SAMD12: variants seen among roughly 807,000 people sequenced by gnomAD.
SAMD12 encodes the protein sterile alpha motif domain-containing protein 12.
A neutral mutation model predicts 15.0 loss-of-function variants in SAMD12; 9 were observed. The observed-to-expected ratio is 0.60, with a 90% CI of 0.36 to 1.05. The LOEUF (loss-of-function observed/expected upper bound fraction) is 1.05, where lower values mean the gene tolerates loss of function less well. Ranked by LOEUF, SAMD12 falls within the 50% of genes least tolerant of loss-of-function variation. The pLI, the probability that SAMD12 is intolerant of heterozygous loss-of-function variation, is 0.01. For missense variants in SAMD12, 230 were observed against 234.2 expected, an observed-to-expected ratio of 0.98 and a Z score of 0.12; for synonymous variants, 86 against 90.1, an observed-to-expected ratio of 0.96 and a Z score of 0.25.
At chr8:118,261,267 C>T (rs950006083) in intron 4 of SAMD12, among the ~76,000 whole-genome samples, 2 of 152,032 alleles carry the variant, frequency 1.3e-5, no homozygotes, top group Non-Finnish European at 2.9e-5. Context: ...ACTAAGGTGA[C>T]GTCTACACTT....
intron 2 of SAMD12, among the ~76,000 whole-genome samples, chr8:118,497,270 A>G (rs1824642106): frequency 2.0e-5 from 3 of 152,202 alleles, no homozygotes. Context: ...ACATGCACCT[A>G]TATGTGCATC....
the SAMD12 span, among the ~76,000 whole-genome samples, chr8:118,177,708 G>T: frequency 0.04 from 5,968 of 150,656 alleles, 164 homozygotes; most frequent in Middle Eastern, 0.062. Flanking sequence ...GGCTGACAGA[G>T]TGAGATCCTG....
chr8:118,528,109 C>T (rs1480890625), intron 2 of SAMD12, among the ~76,000 whole-genome samples: 2 of 152,196 alleles, frequency 1.3e-5, no homozygotes, highest in Non-Finnish European at 2.9e-5. Flanking sequence ...TCACTGCAAC[C>T]TCTGCCTCCC....
chr8:118,576,391 G>A (rs903579295), intron 2 of SAMD12, among the ~76,000 whole-genome samples: 8 of 152,158 alleles, frequency 5.3e-5, no homozygotes, highest in African/African-American at 1.9e-4. Flanking sequence ...TTTGGCCCCA[G>A]CCTATTGTTC....
chr8:118,364,937 G>A (rs993504026), intron 4 of SAMD12, among the ~76,000 whole-genome samples: 2 of 152,026 alleles, frequency 1.3e-5, no homozygotes, highest in South Asian at 2.1e-4. Context: ...TACCACAACA[G>A]CCTCCTAACT....
intron 4 of SAMD12, among the ~76,000 whole-genome samples, chr8:118,309,974 T>C (rs1397355466): frequency 6.6e-6 from 1 of 152,212 alleles, no homozygotes; most frequent in Non-Finnish European, 1.5e-5. Context: ...ACTTAATAAT[T>C]ATTAAAGGAA....
chr8:118,281,723 T>C (rs1484208418), intron 4 of SAMD12, among the ~76,000 whole-genome samples: 2 of 152,152 alleles, frequency 1.3e-5, no homozygotes, highest in Non-Finnish European at 2.9e-5. Flanking sequence ...GAGTGCTGAG[T>C]AGCCTCAGTC....
At chr8:118,149,618 A>G in the SAMD12 span, among the ~76,000 whole-genome samples, 1 of 152,026 alleles carries the variant, frequency 6.6e-6, no homozygotes, top group Non-Finnish European at 1.5e-5. Context: ...GGGTTGTGTT[A>G]TTTGGTGCAT....
At chr8:118,415,663 G>A (rs148018443) in intron 3 of SAMD12, among the ~76,000 whole-genome samples, 31 of 152,304 alleles carry the variant, frequency 2.0e-4, no homozygotes, top group African/African-American at 6.3e-4. Context: ...CTTACTGAGG[G>A]TTTGAAAGAA....
chr8:118,440,718 A>C (rs954447242), intron 2 of SAMD12, among the ~76,000 whole-genome samples: 37 of 151,664 alleles, frequency 2.4e-4, no homozygotes, highest in African/African-American at 9.0e-4. Flanking sequence ...ACACACACAT[A>C]TAAAAACGCA....
At chr8:118,264,101 C>T (rs1813145104) in intron 4 of SAMD12, among the ~76,000 whole-genome samples, 1 of 152,130 alleles carries the variant, frequency 6.6e-6, no homozygotes, top group African/African-American at 2.4e-5. Flanking sequence ...CTTAAGAACA[C>T]TTGCAAGCAT....
intron 2 of SAMD12, among the ~76,000 whole-genome samples, chr8:118,525,512 A>T (rs1446580646): frequency 1.3e-5 from 2 of 152,200 alleles, no homozygotes; most frequent in Non-Finnish European, 1.5e-5. Flanking sequence ...CTGGCCCATC[A>T]TAGAAGCTCA....
Position 118,320,673 on chromosome 8 carries a change from G to C in SAMD12, c.433+58887C>G, listed in dbSNP as rs1325658583. On this transcript the variant is annotated intron_variant, in intron 4 of 4. Coordinates refer to the SAMD12 transcript ENST00000409003. ...CACACACCGGGGCCTGTCGTGGGGTGGGGGGGGTGGGGAGGGATAGCATTA... is the reference window on the plus strand; with the variant it reads ...CACACACCGGGGCCTGTCGTGGGGTCGGGGGGGTGGGGAGGGATAGCATTA... Among the ~76,000 whole-genome samples, 4 of 50,968 alleles carry C rather than the reference G, an allele frequency of 7.8e-5. 1 individual carries two copies. Among genetic ancestry groups the C allele is most frequent in the Admixed American group, 1.7e-4 (1 of 5,814 alleles). The allele number at this position is 50,968 out of a possible 152,430, so 33.4% of individuals were successfully genotyped here. A position where few individuals can be genotyped will look rare whatever the true frequency, so the allele number is the denominator to read the frequency against.
At chr8:118,180,308 TG>T in the SAMD12 span, among the ~76,000 whole-genome samples, 2 of 152,196 alleles carry the variant, frequency 1.3e-5, no homozygotes, top group Non-Finnish European at 2.9e-5. Context: ...TTAAGGAATA[TG>T]GGTTTGACAA....
intron 1 of SAMD12, among the ~76,000 whole-genome samples, chr8:118,583,464 G>T (rs1347365812): frequency 1.3e-5 from 2 of 152,104 alleles, no homozygotes; most frequent in East Asian, 3.8e-4. Flanking sequence ...ATGAAGAAAA[G>T]AAAAATGTGT....
At chr8:118,465,317 C>CTT (rs368940959) in intron 2 of SAMD12, among the ~76,000 whole-genome samples, 1 of 151,280 alleles carries the variant, frequency 6.6e-6, no homozygotes, top group Non-Finnish European at 1.5e-5. Context: ...GATTACTCAA[C>CTT]TTTTTTTTTG....
intron 2 of SAMD12, among the ~76,000 whole-genome samples, chr8:118,491,760 ATTG>A (rs1192275754): frequency 4.6e-5 from 7 of 152,186 alleles, no homozygotes; most frequent in Admixed American, 3.9e-4. Context: ...AATCAATCAT[ATTG>A]TTGTATATAT....
the SAMD12 span, among the ~76,000 whole-genome samples, chr8:118,156,322 G>A: frequency 6.6e-6 from 1 of 152,316 alleles, no homozygotes; most frequent in South Asian, 2.1e-4. Context: ...GTATCAGTGT[G>A]AAAATTTGGC....
intron 2 of SAMD12, among the ~76,000 whole-genome samples, chr8:118,472,930 G>T (rs1403183172): frequency 1.3e-5 from 2 of 151,270 alleles, no homozygotes; most frequent in Non-Finnish European, 1.5e-5. Context: ...GTCTGTCCTA[G>T]GAGGAGTGCT....
Sources: allele counts gnomAD v4.1 joint callset (sites outside exome capture counted in the v4.1 genomes callset), GRCh38; gene constraint gnomAD v4.1.1; transcripts MANE v1.5; gene names NCBI Gene and HGNC (gene_info 2026-07-23, HGNC 2026-07-21).